EML6: variants seen among roughly 807,000 people sequenced by gnomAD.
The protein encoded by EML6 is echinoderm microtubule-associated protein-like 6.
In EML6, 154 loss-of-function variants were observed where a neutral mutation model predicts 240.1. The observed-to-expected ratio is 0.64, with a 90% CI of 0.56 to 0.73. EML6 has a LOEUF of 0.73. Ranked by LOEUF, EML6 falls within the 30% of genes least tolerant of loss-of-function variation. EML6 has a pLI of 0.00. For missense variants in EML6, 2,964 were observed against 2,474.6 expected, an observed-to-expected ratio of 1.20 and a Z score of -4.20; for synonymous variants, 1,148 against 899.0, an observed-to-expected ratio of 1.28 and a Z score of -4.95.
At chr2:54,944,928 C>G (rs1573193584) in intron 28 of EML6, among the ~76,000 whole-genome samples, 1 of 151,756 alleles carries the variant, frequency 6.6e-6, no homozygotes, top group East Asian at 1.9e-4. Flanking sequence ...TTTCCTAACC[C>G]TGGATTTATC....
intron 28 of EML6, 94 bp downstream of exon 28, chr2:54,928,845 G>C: frequency 7.1e-7 from 1 of 1,403,984 alleles, no homozygotes; most frequent in Non-Finnish European, 9.8e-7. Flanking sequence ...CAAAGTTGCT[G>C]TTTAAGTCAG....
chr2:54,777,678 C>T (rs974717808), intron 2 of EML6, among the ~76,000 whole-genome samples: 1 of 152,092 alleles, frequency 6.6e-6, no homozygotes, highest in African/African-American at 2.4e-5. Context: ...CTTTTTCTCA[C>T]CCCAGAGTGA....
intron 39 of EML6, among the ~76,000 whole-genome samples, chr2:54,967,605 GT>G (rs944794420): frequency 1.2e-4 from 18 of 152,182 alleles, no homozygotes; most frequent in African/African-American, 4.1e-4. Flanking sequence ...GGTAACTTGT[GT>G]TTTTGGAGTG....
At chr2:54,771,778 CT>C (rs1307786003) in intron 2 of EML6, among the ~76,000 whole-genome samples, 1 of 152,250 alleles carries the variant, frequency 6.6e-6, no homozygotes, top group Non-Finnish European at 1.5e-5. Context: ...TGATTATACA[CT>C]GGGCAGCAAA....
At chr2:54,925,264 C>A (rs769987730) in intron 26 of EML6, among the ~76,000 whole-genome samples, 1 of 152,192 alleles carries the variant, frequency 6.6e-6, no homozygotes, top group African/African-American at 2.4e-5. Context: ...AGAGCCCGCA[C>A]CAGGAACCAA....
intron 2 of EML6, among the ~76,000 whole-genome samples, chr2:54,804,593 A>G (rs1670369740): frequency 6.6e-6 from 1 of 152,236 alleles, no homozygotes; most frequent in Non-Finnish European, 1.5e-5. Context: ...CTAAACCAAC[A>G]GATGCCTTCT....
Position 54,836,417 on chromosome 2 carries a change from G to A in EML6, c.847+6940G>A, listed in dbSNP as rs151305577. ...TCCTGCGGAGTGGGTTTTGAAATGAGCAGAGATTTTGTAAAAAGAAATCTT... is the reference window on the plus strand; with the variant it reads ...TCCTGCGGAGTGGGTTTTGAAATGAACAGAGATTTTGTAAAAAGAAATCTT... On this transcript the variant is annotated intron_variant, in intron 7 of 41. Transcript: ENST00000356458. 5.6e-3 allele frequency among the ~76,000 whole-genome samples: 859 copies of A among 152,308 alleles called. 11 individuals are homozygous for A. The highest frequency in any genetic ancestry group is 0.02 in the African/African-American group (814 of 41,554).
At chr2:54,846,291 T>C (rs13005511) in intron 8 of EML6, among the ~76,000 whole-genome samples, 9,865 of 152,210 alleles carry the variant, frequency 0.065, 412 homozygotes, top group East Asian at 0.23. Context: ...ATGTAACATA[T>C]ATTTCAATCT....
chr2:54,857,798 A>G (rs1670465811), intron 11 of EML6, among the ~76,000 whole-genome samples: 1 of 152,200 alleles, frequency 6.6e-6, no homozygotes, highest in African/African-American at 2.4e-5. Context: ...GAAAATGCCT[A>G]GCATGTTTAG....
In EML6 at chr2:54,892,505, A is replaced by G. The variant is rs1558657330; in HGVS notation, c.2591A>G (p.Glu864Gly). The stretch of plus-strand genomic sequence containing the variant: ...ACTTTTGGAAGCGTTGGAAAATTGG[A>G]AACAATGATGTGTGTTTCTTACGGA... ...RGTFGSVGKL[E>G]TMMCVSYGRM... Residue 864 changes from glutamate (E) to glycine (G), a missense_variant, in exon 19 of 42, where the codon GAA becomes GGA. Physicochemically the swap from Glu to Gly is moderately conservative, Grantham distance 98. Transcript: ENST00000356458. The G allele has an allele frequency of 1.3e-6, 2 of 1,551,498 alleles. No homozygotes were observed. The highest frequency in any genetic ancestry group is 1.7e-6 in the Non-Finnish European group (2 of 1,146,822).
intron 16 of EML6, among the ~76,000 whole-genome samples, chr2:54,877,913 C>T (rs542364939): frequency 6.6e-6 from 1 of 152,336 alleles, no homozygotes; most frequent in East Asian, 1.9e-4. Flanking sequence ...AAGGAGGAGA[C>T]TACCATTTCC....
At chr2:54,801,385 G>C (rs1670137075) in intron 2 of EML6, among the ~76,000 whole-genome samples, 1 of 151,932 alleles carries the variant, frequency 6.6e-6, no homozygotes. Flanking sequence ...CTGAGAATAT[G>C]AAGTAATGAA....
In EML6 at chr2:54,903,069, T is replaced by C. The variant is rs1383619692; in HGVS notation, c.3150T>C (p.Pro1050=). 1.9e-6 allele frequency: 3 copies of C among 1,551,732 alleles called. No individual in the cohort carries two copies. Among genetic ancestry groups the C allele is most frequent in the Non-Finnish European group, 2.6e-6 (3 of 1,146,980 alleles). The change falls in exon 23 of 42, where the codon CCT becomes CCC. Residue 1050 remains proline, a synonymous_variant. Transcript: ENST00000356458. Reference sequence around the variant, plus strand: ...GTGGAAGATGCTGTGCCTTTTCCCCTGATGGGAAAGCCTTAGCGGTTGGCT... The same window carrying C: ...GTGGAAGATGCTGTGCCTTTTCCCCCGATGGGAAAGCCTTAGCGGTTGGCT... ...KKGGRCCAFS[P]DGKALAVGLN...
chr2:54,827,743 G>C lies in EML6; in HGVS notation c.703G>C (p.Ala235Pro). The C allele has an allele frequency of 6.4e-7, 1 of 1,550,982 alleles. No homozygotes were observed. Among genetic ancestry groups the C allele is most frequent in the South Asian group, 1.2e-5 (1 of 84,022 alleles). Residue 235 changes from alanine to proline, a missense_variant, in exon 6 of 42, where the codon GCA (alanine) becomes CCA (proline). Coordinates refer to ENST00000356458, the MANE Select transcript of EML6 (RefSeq NM_001039753.4). ...GLNLVRTIQGAHSAGIFSMYA... is the reference protein window; with the variant it reads ...GLNLVRTIQGPHSAGIFSMYA... Reference sequence around the variant, plus strand: ...CAATTTAGTCCGCACCATTCAAGGAGCACATAGTGTAAGTATTACCTTGTG... The same window carrying C: ...CAATTTAGTCCGCACCATTCAAGGACCACATAGTGTAAGTATTACCTTGTG...
At chr2:54,925,164 C>G (rs1353961060) in intron 26 of EML6, among the ~76,000 whole-genome samples, 1 of 152,010 alleles carries the variant, frequency 6.6e-6, no homozygotes, top group East Asian at 1.9e-4. Context: ...AGAAGAGATG[C>G]CAGAGAGCTA....
chr2:54,958,704 G>C (rs970759252), intron 33 of EML6, among the ~76,000 whole-genome samples: 1 of 152,150 alleles, frequency 6.6e-6, no homozygotes. Context: ...GGTGCCCTCA[G>C]CCAATGCAAG....
chr2:54,928,662 C>T lies in EML6; in HGVS notation c.3915C>T (p.Asp1305=). The change falls in exon 28 of 42, where the codon GAC becomes GAT. Residue 1305 remains aspartate (D), a synonymous_variant. Transcript: ENST00000356458. ...ATGTTGCTAGAGAAAAGGCCATTGA[C>T]TACACCACCAAGATTTATGCTGTGA... is the stretch of plus-strand genomic sequence containing the variant. ...DSDVAREKAI[D]YTTKIYAVSI... is the part of the protein sequence containing the mutation. The T allele has an allele frequency of 6.4e-7, 1 of 1,552,112 alleles. No homozygotes were observed. Among genetic ancestry groups the T allele is most frequent in the Non-Finnish European group, 8.7e-7 (1 of 1,147,076 alleles).
intron 17 of EML6, chr2:54,881,251 A>G (rs1293725188): frequency 2.6e-5 from 4 of 152,352 alleles, no homozygotes; most frequent in African/African-American, 7.2e-5. Flanking sequence ...TTAAATATCT[A>G]TTTGCATAAT....
chr2:54,838,383 G>C (rs1167284327), intron 7 of EML6, among the ~76,000 whole-genome samples: 1 of 152,214 alleles, frequency 6.6e-6, no homozygotes, highest in Non-Finnish European at 1.5e-5. Context: ...TATGAAGTGT[G>C]AGTGCTAATA....
Sources: gnomAD v4.1 joint callset for allele counts (sites outside exome capture counted in the v4.1 genomes callset) on GRCh38, gnomAD v4.1.1 for gene constraint, MANE v1.5 for transcripts, NCBI Gene and HGNC (gene_info 2026-07-23, HGNC 2026-07-21) for gene names.